Variants in AFF3 observed in about 807,000 individuals in gnomAD.
AFF3 encodes AF4/FMR2 family member 3.
AFF3 carries 32 observed loss-of-function variants against 129.7 expected under a neutral mutation model. The ratio of observed to expected loss-of-function variants is 0.25; its 90% CI spans 0.19 to 0.33. AFF3 has a LOEUF of 0.33. Among genes scored for constraint, AFF3 ranks in the 10% least tolerant of loss-of-function variants. The probability of loss-of-function intolerance (pLI) is 1.00; values close to 1 mark genes in which losing one functional copy is unlikely to be tolerated. For missense variants in AFF3, 1,373 were observed against 1,592.0 expected (o/e 0.86, Z 2.34); for synonymous variants, 644 against 635.4 (o/e 1.01, Z -0.20).
intron 7 of AFF3, among the ~76,000 whole-genome samples, chr2:99,960,236 C>A (rs775036124): frequency 1.3e-5 from 2 of 152,054 alleles, no homozygotes; most frequent in African/African-American, 2.4e-5. Context: ...TTGATGGGCA[C>A]TAGTGTTAAC....
At chr2:99,746,168 A>T (rs1221194261) in intron 9 of AFF3, among the ~76,000 whole-genome samples, 3 of 151,844 alleles carry the variant, frequency 2.0e-5, no homozygotes, top group Non-Finnish European at 4.4e-5. Flanking sequence ...GAATGCGTGA[A>T]TAGGAATGTA....
At chr2:99,603,405 T>C (rs1350669652) in intron 13 of AFF3, among the ~76,000 whole-genome samples, 1 of 152,114 alleles carries the variant, frequency 6.6e-6, no homozygotes, top group Non-Finnish European at 1.5e-5. Context: ...TAATAAACGG[T>C]GCTGGGAGAA....
chr2:99,898,054 C>T lies in AFF3; in HGVS notation c.874-60530G>A, dbSNP rs902918695. Reference sequence around the variant, plus strand: ...AGTCTTAAGGCTTTTCAAAGTCTAGCTCCCTCTGTAATTTCCACCAAGTAC... The same window carrying T: ...AGTCTTAAGGCTTTTCAAAGTCTAGTTCCCTCTGTAATTTCCACCAAGTAC... On this transcript the variant is annotated intron_variant, in intron 7 of 24. Coordinates refer to ENST00000672756, the MANE Select transcript of AFF3 (RefSeq NM_001386135.1). Among the ~76,000 whole-genome samples, 2 of 152,318 alleles carry T rather than the reference C, an allele frequency of 1.3e-5. 1 individual carries two copies. The highest frequency in any genetic ancestry group is 1.3e-4 in the Admixed American group (2 of 15,304).
intron 4 of AFF3, among the ~76,000 whole-genome samples, chr2:100,086,856 T>G (rs1573385466): frequency 6.6e-6 from 1 of 152,252 alleles, no homozygotes; most frequent in Non-Finnish European, 1.5e-5. Flanking sequence ...CTTGAATCAT[T>G]TCTATCTGTT....
intron 13 of AFF3, among the ~76,000 whole-genome samples, chr2:99,629,220 C>T (rs1387685692): frequency 6.6e-6 from 1 of 152,188 alleles, no homozygotes; most frequent in Non-Finnish European, 1.5e-5. Context: ...AATATGACTG[C>T]CTTTTGATCA....
intron 7 of AFF3, among the ~76,000 whole-genome samples, chr2:99,952,109 G>A (rs189912441): frequency 6.6e-5 from 10 of 152,222 alleles, no homozygotes; most frequent in South Asian, 2.1e-4. Flanking sequence ...GTCTCACGTC[G>A]AATTATAATT....
intron 12 of AFF3, among the ~76,000 whole-genome samples, chr2:99,668,547 CTTTTTGTTTTTG>C (rs112405009): frequency 2.0e-5 from 3 of 151,450 alleles, no homozygotes; most frequent in African/African-American, 4.9e-5. Flanking sequence ...TAATTATCAT[CTTTTTGTTTTTG>C]TTTTTGTTTT....
chr2:100,076,493 T>C (rs1315029928), intron 4 of AFF3, among the ~76,000 whole-genome samples: 1 of 152,160 alleles, frequency 6.6e-6, no homozygotes, highest in African/African-American at 2.4e-5. Flanking sequence ...TAAAACCTAA[T>C]ACCTCACCAA....
At chr2:99,626,341 T>TCTCTTTCCTTCCTTCCTTC (rs1486913066) in intron 13 of AFF3, among the ~76,000 whole-genome samples, 1 of 137,654 alleles carries the variant, frequency 7.3e-6, no homozygotes, top group South Asian at 2.4e-4. Flanking sequence ...TTCCCTCCTC[T>TCTCTTTCCTTCCTTCCTTC]CTCTTTCCTT....
chr2:99,679,366 A>G (rs1418710308), intron 11 of AFF3, among the ~76,000 whole-genome samples: 1 of 152,142 alleles, frequency 6.6e-6, no homozygotes, highest in Non-Finnish European at 1.5e-5. Context: ...AGTTAGGGAC[A>G]GCAACTTCTG....
chr2:99,657,028 T>C (rs1369057606), intron 12 of AFF3, among the ~76,000 whole-genome samples: 2 of 152,106 alleles, frequency 1.3e-5, no homozygotes, highest in African/African-American at 2.4e-5. Context: ...TCTGGGCACA[T>C]GGGGCTGTAC....
intron 1 of AFF3, among the ~76,000 whole-genome samples, chr2:100,136,069 G>T (rs1692629597): frequency 6.6e-6 from 1 of 152,212 alleles, no homozygotes; most frequent in African/African-American, 2.4e-5. Flanking sequence ...GAGGAACAGG[G>T]CTGGAGTTAG....
At chr2:99,728,104 C>G (rs990668909) in intron 10 of AFF3, among the ~76,000 whole-genome samples, 8 of 152,210 alleles carry the variant, frequency 5.3e-5, no homozygotes, top group South Asian at 2.1e-4. Flanking sequence ...AACCAGTTCA[C>G]TTCTTGTAGT....
At chr2:99,805,863 A>G (rs1576037244) in intron 8 of AFF3, among the ~76,000 whole-genome samples, 1 of 142,512 alleles carries the variant, frequency 7.0e-6, no homozygotes, top group Non-Finnish European at 1.6e-5. Flanking sequence ...ATGAAGGAAC[A>G]TTTGCCCGCT....
At chr2:100,024,414 C>A (rs13423437) in intron 4 of AFF3, among the ~76,000 whole-genome samples, 9,076 of 150,302 alleles carry the variant, frequency 0.06, 903 homozygotes, top group African/African-American at 0.21. Flanking sequence ...ATCAGCCTGA[C>A]CAACATGGAG....
intron 7 of AFF3, among the ~76,000 whole-genome samples, chr2:99,961,804 CA>C (rs141097563): frequency 0.013 from 1,983 of 152,300 alleles, 53 homozygotes; most frequent in African/African-American, 0.045. Context: ...TATACAGCAA[CA>C]GAAGGCAGTC....
chr2:99,918,984 TC>T (rs1346788913), intron 7 of AFF3, among the ~76,000 whole-genome samples: 1 of 152,188 alleles, frequency 6.6e-6, no homozygotes, highest in Non-Finnish European at 1.5e-5. Flanking sequence ...TGCCTGGCTA[TC>T]CTCCTTTAAA....
chr2:99,674,961 A>G (rs1687481078), intron 11 of AFF3, among the ~76,000 whole-genome samples: 1 of 152,216 alleles, frequency 6.6e-6, no homozygotes, highest in Admixed American at 6.5e-5. Context: ...GTCCACACGT[A>G]AACACGCATC....
intron 15 of AFF3, among the ~76,000 whole-genome samples, chr2:99,591,789 G>A (rs931664827): frequency 6.6e-6 from 1 of 152,216 alleles, no homozygotes; most frequent in Non-Finnish European, 1.5e-5. Context: ...AAGCCAGACA[G>A]CCTGGGTTAA....
Sources: allele counts gnomAD v4.1 joint callset (sites outside exome capture counted in the v4.1 genomes callset), GRCh38; gene constraint gnomAD v4.1.1; transcripts MANE v1.5; gene names NCBI Gene and HGNC (gene_info 2026-07-23, HGNC 2026-07-21).